Variants in SBF2 observed in about 807,000 individuals in gnomAD.
SBF2 encodes the protein SET binding factor 2, also known as myotubularin-related protein 13.
A neutral mutation model predicts 225.2 loss-of-function variants in SBF2; 112 were observed. The observed-to-expected ratio is 0.50, with a 90% CI of 0.43 to 0.58. The LOEUF is 0.58. Among genes scored for constraint, SBF2 ranks in the 20% least tolerant of loss-of-function variants. The pLI is 0.00. For synonymous variants in SBF2, 763 were observed against 773.3 expected, an observed-to-expected ratio of 0.99 and a Z score of 0.22; for missense variants, 1,996 against 2,206.2, an observed-to-expected ratio of 0.90 and a Z score of 1.91.
chr11:9,954,291 GTT>G (rs1321301831), intron 16 of SBF2, among the ~76,000 whole-genome samples: 7 of 152,270 alleles, frequency 4.6e-5, no homozygotes, highest in Non-Finnish European at 1.0e-4. Flanking sequence ...AGTTCATTTA[GTT>G]AATGTTTCTT....
Position 9,908,339 on chromosome 11 carries a change from T to C in SBF2, c.1861-12328A>G, listed in dbSNP as rs575331701. On this transcript the variant is annotated intron_variant, in intron 16 of 39. Transcript: ENST00000256190. ...GGAAATTGTGAATAGAGAAGGCAGA[T>C]GGGGGGCTTGGTGCGGTGGCTCACG... Among the ~76,000 whole-genome samples the C allele has an allele frequency of 5.0e-4, 76 of 152,230 alleles. 1 individual carries two copies. In the South Asian group the frequency reaches 0.011, roughly 21 times the overall value.
At chr11:9,841,362 A>G (rs1398920337) in intron 25 of SBF2, among the ~76,000 whole-genome samples, 1 of 152,208 alleles carries the variant, frequency 6.6e-6, no homozygotes, top group African/African-American at 2.4e-5. Context: ...ATGGGTAGCG[A>G]TAATATTTTT....
Position 9,951,568 on chromosome 11 carries a change from G to C in SBF2, c.1860+10389C>G, listed in dbSNP as rs555588606. Among the ~76,000 whole-genome samples, 3 of 152,310 alleles carry C rather than the reference G, an allele frequency of 2.0e-5. No homozygotes were observed. In the East Asian group the frequency reaches 5.8e-4, roughly 29 times the overall value. On this transcript the variant is annotated intron_variant, in intron 16 of 39. Transcript: ENST00000256190. ...TCTAAAGAGGCAAATGAAAATACCAGATTTTCATTTAGAATTCATTGCTTT... is the reference window on the plus strand; with the variant it reads ...TCTAAAGAGGCAAATGAAAATACCACATTTTCATTTAGAATTCATTGCTTT...
chr11:10,105,972 G>A (rs1440712676), intron 2 of SBF2, among the ~76,000 whole-genome samples: 2 of 152,178 alleles, frequency 1.3e-5, no homozygotes, highest in East Asian at 3.9e-4. Flanking sequence ...ATCTTCAAAA[G>A]TGACTTCATA....
At chr11:9,858,119 T>C in intron 18 of SBF2, 107 bp downstream of exon 18, 1 of 1,267,216 alleles carries the variant, frequency 7.9e-7, no homozygotes, top group Non-Finnish European at 1.1e-6. Flanking sequence ...AAAACCCAAA[T>C]ACACTGGCAG....
chr11:9,837,426 A>G (rs962519388), intron 26 of SBF2, among the ~76,000 whole-genome samples: 7 of 152,242 alleles, frequency 4.6e-5, no homozygotes, highest in Non-Finnish European at 1.0e-4. Flanking sequence ...TGCATTTGCA[A>G]AATGCTTATC....
chr11:10,209,018 G>A (rs535876559), intron 1 of SBF2, among the ~76,000 whole-genome samples: 1 of 152,040 alleles, frequency 6.6e-6, no homozygotes, highest in African/African-American at 2.4e-5. Context: ...AACAGCAAAG[G>A]CTATTATGTT....
intron 1 of SBF2, among the ~76,000 whole-genome samples, chr11:10,256,136 C>A (rs1008729299): frequency 6.6e-6 from 1 of 152,050 alleles, no homozygotes; most frequent in African/African-American, 2.4e-5. Flanking sequence ...TAAGAAAAAT[C>A]TCCACAATCA....
intron 29 of SBF2, among the ~76,000 whole-genome samples, chr11:9,815,327 G>A (rs1272762120): frequency 2.7e-5 from 4 of 148,772 alleles, no homozygotes; most frequent in South Asian, 4.2e-4. Flanking sequence ...GTGGTGACGC[G>A]TGCCTGTAAT....
chr11:9,933,510 C>G (rs1864655244), intron 16 of SBF2, among the ~76,000 whole-genome samples: 1 of 152,200 alleles, frequency 6.6e-6, no homozygotes, highest in African/African-American at 2.4e-5. Context: ...GAAACTCACT[C>G]AAAACCGCTC....
intron 17 of SBF2, among the ~76,000 whole-genome samples, chr11:9,861,533 AG>A (rs1857740682): frequency 1.3e-5 from 2 of 151,946 alleles, no homozygotes; most frequent in Admixed American, 6.6e-5. Context: ...GTGTGGTGGC[AG>A]GCACCTGTAA....
chr11:10,285,094 G>T (rs569804106), intron 1 of SBF2, among the ~76,000 whole-genome samples: 1 of 152,254 alleles, frequency 6.6e-6, no homozygotes, highest in African/African-American at 2.4e-5. Flanking sequence ...AGGACTGCTT[G>T]AGGCCAGGAG....
intron 1 of SBF2, among the ~76,000 whole-genome samples, chr11:10,266,224 T>G (rs753835319): frequency 6.6e-6 from 1 of 152,194 alleles, no homozygotes; most frequent in Non-Finnish European, 1.5e-5. Flanking sequence ...CTCAGGTTGT[T>G]TGACGCTAGA....
chr11:9,812,466 T>C, intron 30 of SBF2, 66 bp downstream of exon 30: 1 of 1,539,892 alleles, frequency 6.5e-7, no homozygotes, highest in Non-Finnish European at 9.0e-7. Flanking sequence ...TCAAATACAG[T>C]TCTGTATATC....
At chr11:10,187,555 T>C (rs1203627167) in intron 2 of SBF2, among the ~76,000 whole-genome samples, 1 of 152,040 alleles carries the variant, frequency 6.6e-6, no homozygotes, top group African/African-American at 2.4e-5. Flanking sequence ...AAAAGAAGAA[T>C]GCTTTGTGCC....
chr11:10,291,968 C>A (rs1016234387), intron 1 of SBF2, among the ~76,000 whole-genome samples: 1 of 152,178 alleles, frequency 6.6e-6, no homozygotes, highest in Non-Finnish European at 1.5e-5. Flanking sequence ...AAGGAACAGA[C>A]AATCCCAAAT....
Position 10,193,926 on chromosome 11 carries a change from T to A in SBF2, c.117A>T (p.Thr39=), listed in dbSNP as rs1957273683. 1 of 1,612,156 alleles carries A rather than the reference T, an allele frequency of 6.2e-7. No homozygotes were observed. Among genetic ancestry groups the A allele is most frequent in the Non-Finnish European group, 8.5e-7 (1 of 1,178,350 alleles). Residue 39 remains threonine, a synonymous_variant, in exon 2 of 40, where the codon ACA becomes ACT. Coordinates refer to ENST00000256190, the MANE Select transcript of SBF2 (RefSeq NM_030962.4). The part of the protein sequence containing the change: ...QRFPQKDWDD[T]PFPQGIELFC... ...CCAACTCAATTCCCTGTGGAAAAGG[T>A]GTATCATCCCAGTCCTTCTGTGGAA...
At chr11:10,132,171 A>G (rs1954090715) in intron 2 of SBF2, among the ~76,000 whole-genome samples, 1 of 152,178 alleles carries the variant, frequency 6.6e-6, no homozygotes, top group Admixed American at 6.5e-5. Flanking sequence ...AGGTGGCTGT[A>G]ATTGGATAGG....
intron 22 of SBF2, among the ~76,000 whole-genome samples, chr11:9,849,003 C>T (rs1856739633): frequency 6.6e-6 from 1 of 152,192 alleles, no homozygotes; most frequent in Non-Finnish European, 1.5e-5. Context: ...GCATACTCAT[C>T]AAATGCTACT....
Sources: gnomAD v4.1 joint callset for allele counts (sites outside exome capture counted in the v4.1 genomes callset) on GRCh38, gnomAD v4.1.1 for gene constraint, MANE v1.5 for transcripts, NCBI Gene and HGNC (gene_info 2026-07-23, HGNC 2026-07-21) for gene names.